SGCD: variants seen among roughly 807,000 people sequenced by gnomAD.
The protein encoded by SGCD is sarcoglycan delta.
In SGCD, 18 loss-of-function variants were observed where a neutral mutation model predicts 36.6. The ratio of observed to expected loss-of-function variants is 0.49; its 90% CI spans 0.34 to 0.73. The LOEUF is 0.73. Among genes scored for constraint, SGCD ranks in the 30% least tolerant of loss-of-function variants. The pLI is 0.01. For missense variants in SGCD, 387 were observed against 346.7 expected (o/e 1.12, Z -0.92); for synonymous variants, 133 against 130.6 (o/e 1.02, Z -0.12).
intron 3 of SGCD, among the ~76,000 whole-genome samples, chr5:156,414,168 A>G (rs1772911185): frequency 6.6e-6 from 1 of 152,196 alleles, no homozygotes; most frequent in Non-Finnish European, 1.5e-5. Flanking sequence ...ATATTTAACT[A>G]TTCCAAAGCA....
chr5:155,779,108 A>G, the SGCD span, among the ~76,000 whole-genome samples: 1 of 152,176 alleles, frequency 6.6e-6, no homozygotes, highest in African/African-American at 2.4e-5. Flanking sequence ...TATTTTATTC[A>G]TGCCTGATAA....
intron 3 of SGCD, among the ~76,000 whole-genome samples, chr5:156,363,518 A>T (rs991303621): frequency 6.6e-6 from 1 of 152,170 alleles, no homozygotes; most frequent in Admixed American, 6.5e-5. Flanking sequence ...ATGACAGCTC[A>T]AATTTCATTG....
chr5:156,030,220 G>A (rs7724181), intron 1 of SGCD, among the ~76,000 whole-genome samples: 26,585 of 152,148 alleles, frequency 0.17, 6,411 homozygotes, highest in African/African-American at 0.55. Context: ...GTGTTCCCCA[G>A]AAAGATATGT....
Position 155,885,652 on chromosome 5 carries a change from CAGTA to C in SGCD, c.-282+15231_-282+15234del, listed in dbSNP as rs576816206. ...AGAACTTGAATATGTGTTATTCTCA[CAGTA>C]AGCAGATTCAGAGGAATTCAGCTTT... On this transcript the variant is annotated intron_variant, in intron 1 of 9. Transcript: ENST00000517913. Among the ~76,000 whole-genome samples the C allele has an allele frequency of 5.9e-5, 9 of 152,314 alleles. No individual in the cohort carries two copies. In the South Asian group the frequency reaches 1.9e-3, roughly 32 times the overall value.
chr5:156,708,102 T>A (rs748396079), intron 7 of SGCD, among the ~76,000 whole-genome samples: 6 of 152,184 alleles, frequency 3.9e-5, no homozygotes, highest in Non-Finnish European at 7.4e-5. Context: ...TTCTGCTTTT[T>A]GAGGATAAGA....
intron 7 of SGCD, among the ~76,000 whole-genome samples, chr5:156,667,381 C>G (rs999843864): frequency 1.3e-5 from 2 of 152,138 alleles, no homozygotes; most frequent in Non-Finnish European, 2.9e-5. Flanking sequence ...CCCTTTTGAA[C>G]AGTTTGCAAA....
At chr5:156,246,775 A>G (rs761201601) in intron 3 of SGCD, among the ~76,000 whole-genome samples, 17 of 152,112 alleles carry the variant, frequency 1.1e-4, no homozygotes, top group Non-Finnish European at 2.4e-4. Flanking sequence ...ACCTTTTTCT[A>G]TAAATGGCTT....
intron 3 of SGCD, among the ~76,000 whole-genome samples, chr5:156,310,831 C>T (rs1159893081): frequency 1.3e-5 from 2 of 152,124 alleles, no homozygotes; most frequent in South Asian, 2.1e-4. Context: ...TTTCACTTCC[C>T]TGGTAAGAGA....
intron 3 of SGCD, among the ~76,000 whole-genome samples, chr5:156,463,609 T>G (rs561156099): frequency 6.6e-6 from 1 of 152,194 alleles, no homozygotes; most frequent in African/African-American, 2.4e-5. Context: ...AGTAGATCTT[T>G]GTTCTCCTAA....
At chr5:156,706,411 T>G (rs1754743526) in intron 7 of SGCD, among the ~76,000 whole-genome samples, 1 of 152,156 alleles carries the variant, frequency 6.6e-6, no homozygotes, top group South Asian at 2.1e-4. Context: ...CATTGGTCTT[T>G]GATCATGATC....
At chr5:156,266,270 C>A (rs541648044) in intron 3 of SGCD, among the ~76,000 whole-genome samples, 1 of 152,234 alleles carries the variant, frequency 6.6e-6, no homozygotes, top group Non-Finnish European at 1.5e-5. Context: ...TTAAAAAAAT[C>A]ATTTATATTG....
At chr5:155,756,548 G>A in the SGCD span, among the ~76,000 whole-genome samples, 1 of 152,132 alleles carries the variant, frequency 6.6e-6, no homozygotes, top group Non-Finnish European at 1.5e-5. Context: ...CATCCCTAGA[G>A]TTGTTGTAGG....
At chr5:156,275,591 T>C (rs754224330) in intron 3 of SGCD, among the ~76,000 whole-genome samples, 1 of 152,156 alleles carries the variant, frequency 6.6e-6, no homozygotes, top group Non-Finnish European at 1.5e-5. Context: ...TGGATAGCAT[T>C]ACCAAAGACC....
intron 1 of SGCD, among the ~76,000 whole-genome samples, chr5:155,923,374 T>C (rs1756929207): frequency 6.6e-6 from 1 of 152,182 alleles, no homozygotes; most frequent in South Asian, 2.1e-4. Context: ...TGAGAGTAAA[T>C]TAATGCAGCC....
chr5:156,375,701 G>T (rs1770627762), intron 3 of SGCD, among the ~76,000 whole-genome samples: 1 of 152,192 alleles, frequency 6.6e-6, no homozygotes, highest in Non-Finnish European at 1.5e-5. Flanking sequence ...ATGTACAAGA[G>T]TGCATTGGCT....
intron 1 of SGCD, among the ~76,000 whole-genome samples, chr5:155,889,338 T>C (rs911599406): frequency 6.6e-6 from 1 of 152,292 alleles, no homozygotes; most frequent in African/African-American, 2.4e-5. Flanking sequence ...TTTGGTTATA[T>C]GTTTTTTTAA....
chr5:155,951,829 A>G (rs1757554104), intron 1 of SGCD, among the ~76,000 whole-genome samples: 4 of 152,086 alleles, frequency 2.6e-5, no homozygotes, highest in Non-Finnish European at 5.9e-5. Flanking sequence ...CTATAGAGGG[A>G]ATAGAATGAG....
intron 3 of SGCD, among the ~76,000 whole-genome samples, chr5:156,416,541 A>AT (rs1773046569): frequency 1.3e-5 from 2 of 152,162 alleles, no homozygotes; most frequent in Admixed American, 1.3e-4. Context: ...AATGAAAAAA[A>AT]TGGGGGGGGA....
At chr5:156,209,671 A>T (rs1208950832) in intron 3 of SGCD, among the ~76,000 whole-genome samples, 1 of 152,150 alleles carries the variant, frequency 6.6e-6, no homozygotes, top group Admixed American at 6.5e-5. Flanking sequence ...CAATCTCAGG[A>T]TTAAATCCAA....
Sources: allele counts gnomAD v4.1 joint callset (sites outside exome capture counted in the v4.1 genomes callset), GRCh38; gene constraint gnomAD v4.1.1; transcripts MANE v1.5; gene names NCBI Gene and HGNC (gene_info 2026-07-23, HGNC 2026-07-21).